PRKCH: variants seen among roughly 807,000 people sequenced by gnomAD.
The protein encoded by PRKCH is protein kinase C eta type.
A neutral mutation model predicts 82.5 loss-of-function variants in PRKCH; 28 were observed. That is an observed-to-expected ratio of 0.34 (90% CI 0.25 to 0.47). PRKCH has a LOEUF of 0.47. Ranked by LOEUF, PRKCH falls within the 20% of genes least tolerant of loss-of-function variation. The pLI is 1.00. For synonymous variants in PRKCH, 322 were observed against 327.4 expected (o/e 0.98, Z 0.18); for missense variants, 705 against 881.8 (o/e 0.80, Z 2.54).
chr14:61,308,140 C>G (rs1300431224), intron 1 of PRKCH, among the ~76,000 whole-genome samples: 1 of 152,028 alleles, frequency 6.6e-6, no homozygotes, highest in Non-Finnish European at 1.5e-5. Context: ...GTGTCTGGCC[C>G]CAGGTAATTT....
chr14:61,384,646 C>G (rs1371192609), intron 1 of PRKCH, among the ~76,000 whole-genome samples: 2 of 151,992 alleles, frequency 1.3e-5, no homozygotes, highest in Non-Finnish European at 2.9e-5. Flanking sequence ...GTGAGTTCAA[C>G]ACTGATGGCT....
chr14:61,323,185 C>G (rs188588096), intron 1 of PRKCH, among the ~76,000 whole-genome samples: 1 of 152,172 alleles, frequency 6.6e-6, no homozygotes, highest in African/African-American at 2.4e-5. Context: ...CTTCCCTCCC[C>G]CCATCACCAG....
chr14:61,431,190 C>G (rs1883377934), intron 2 of PRKCH, among the ~76,000 whole-genome samples: 1 of 152,056 alleles, frequency 6.6e-6, no homozygotes, highest in African/African-American at 2.4e-5. Context: ...AAAAATGCCT[C>G]AAATGAACAT....
intron 12 of PRKCH, among the ~76,000 whole-genome samples, chr14:61,532,981 C>A (rs955507159): frequency 6.6e-6 from 1 of 152,208 alleles, no homozygotes. Context: ...TAACACTCGA[C>A]GCTCTCTCTG....
At chr14:61,359,729 C>T (rs988750846) in intron 1 of PRKCH, among the ~76,000 whole-genome samples, 5 of 152,188 alleles carry the variant, frequency 3.3e-5, no homozygotes, top group African/African-American at 1.2e-4. Context: ...TAGAACTGTG[C>T]TGCCCAATAT....
intron 1 of PRKCH, among the ~76,000 whole-genome samples, chr14:61,372,456 C>A (rs1415475363): frequency 6.6e-6 from 1 of 152,088 alleles, no homozygotes; most frequent in African/African-American, 2.4e-5. Flanking sequence ...TAGCCTTTCT[C>A]CCTTGTCTGC....
chr14:61,431,602 A>G (rs1034601653), intron 2 of PRKCH, among the ~76,000 whole-genome samples: 1 of 150,794 alleles, frequency 6.6e-6, no homozygotes, highest in East Asian at 1.9e-4. Context: ...TTTTCTTTTT[A>G]GAGTGTTCTA....
intron 10 of PRKCH, among the ~76,000 whole-genome samples, chr14:61,503,855 A>T (rs1158114276): frequency 6.6e-6 from 1 of 152,178 alleles, no homozygotes; most frequent in Non-Finnish European, 1.5e-5. Context: ...CACTTGATAT[A>T]TCATCCAGGG....
At chr14:61,210,809 T>C (rs58632647) in intron 1 of PRKCH, among the ~76,000 whole-genome samples, 5 of 150,796 alleles carry the variant, frequency 3.3e-5, no homozygotes, top group East Asian at 2.1e-4. Flanking sequence ...TGTGTGTGTG[T>C]GTGTGCGTGC....
chr14:61,414,680 C>T (rs1268435865), intron 2 of PRKCH, among the ~76,000 whole-genome samples: 2 of 148,140 alleles, frequency 1.4e-5, no homozygotes, highest in Non-Finnish European at 3.0e-5. Context: ...GGGGTTTCAT[C>T]ATGCTGGCTG....
At chr14:61,256,695 C>A (rs913370308) in intron 1 of PRKCH, among the ~76,000 whole-genome samples, 1 of 152,032 alleles carries the variant, frequency 6.6e-6, no homozygotes, top group African/African-American at 2.4e-5. Context: ...TTGGGTAAAT[C>A]CTCTATTTTA....
chr14:61,413,730 C>CT (rs148928166), intron 2 of PRKCH, among the ~76,000 whole-genome samples: 3 of 152,066 alleles, frequency 2.0e-5, no homozygotes, highest in African/African-American at 7.2e-5. Flanking sequence ...AATTTGTCTC[C>CT]TTTTTTTCAT....
At chr14:61,449,539 A>G (rs952140451) in intron 5 of PRKCH, among the ~76,000 whole-genome samples, 1 of 152,066 alleles carries the variant, frequency 6.6e-6, no homozygotes, top group African/African-American at 2.4e-5. Flanking sequence ...TTGGCTGGGT[A>G]TAAGCTATAT....
intron 9 of PRKCH, among the ~76,000 whole-genome samples, chr14:61,479,693 G>A (rs1885882141): frequency 6.6e-6 from 1 of 152,216 alleles, no homozygotes; most frequent in Non-Finnish European, 1.5e-5. Context: ...TATACTGACA[G>A]CCATTATTCG....
intron 1 of PRKCH, among the ~76,000 whole-genome samples, chr14:61,246,536 C>T (rs56137627): frequency 0.048 from 7,266 of 152,158 alleles, 250 homozygotes; most frequent in Middle Eastern, 0.095. Flanking sequence ...TTTCTCCCTT[C>T]AAATTATATC....
chr14:61,408,407 C>T (rs1347765630), intron 2 of PRKCH, among the ~76,000 whole-genome samples: 2 of 152,136 alleles, frequency 1.3e-5, no homozygotes, highest in African/African-American at 4.8e-5. Flanking sequence ...TTTCTGGTGT[C>T]ACTGTTAATC....
At chr14:61,278,229 T>G (rs1169477099) in intron 1 of PRKCH, 1 of 152,216 alleles carries the variant, frequency 6.6e-6, no homozygotes, top group Admixed American at 6.5e-5. Flanking sequence ...CTCAAACATT[T>G]GTAACAAATA....
chr14:61,485,314 G>C (rs1322090606), intron 9 of PRKCH, among the ~76,000 whole-genome samples, 188 bp from the exon 10 acceptor site: 1 of 152,126 alleles, frequency 6.6e-6, no homozygotes, highest in African/African-American at 2.4e-5. Flanking sequence ...TCCAGGTGCT[G>C]CTCTGCCCAG....
At chr14:61,271,827 A>AACCTG (rs1340350923) in intron 1 of PRKCH, among the ~76,000 whole-genome samples, 1 of 152,226 alleles carries the variant, frequency 6.6e-6, no homozygotes, top group East Asian at 1.9e-4. Flanking sequence ...CTCAGCTGGA[A>AACCTG]ACCTGGCTGT....
Sources: allele counts gnomAD v4.1 joint callset (sites outside exome capture counted in the v4.1 genomes callset), GRCh38; gene constraint gnomAD v4.1.1; transcripts MANE v1.5; gene names NCBI Gene and HGNC (gene_info 2026-07-23, HGNC 2026-07-21).